Variants in SPTLC3 observed in about 807,000 individuals in gnomAD.
The protein encoded by SPTLC3 is serine palmitoyltransferase long chain base subunit 3.
Under a neutral mutation model 59.3 loss-of-function variants are expected in SPTLC3, and 36 were observed. That is an observed-to-expected ratio of 0.61 (90% CI 0.47 to 0.80). The LOEUF (loss-of-function observed/expected upper bound fraction) is 0.80. SPTLC3 is among the 30% of genes least tolerant of loss of function. The pLI is 0.00. For missense variants in SPTLC3, 625 were observed against 685.1 expected (o/e 0.91, Z 0.98); for synonymous variants, 257 against 240.8 (o/e 1.07, Z -0.62).
chr20:13,036,656 C>T (rs145467817), intron 1 of SPTLC3, among the ~76,000 whole-genome samples: 49 of 152,160 alleles, frequency 3.2e-4, no homozygotes, highest in Admixed American at 2.8e-3. Context: ...AAGGCCAGCA[C>T]CCTTAACCCC....
chr20:13,042,853 A>G (rs897399658), intron 1 of SPTLC3, among the ~76,000 whole-genome samples: 1 of 152,188 alleles, frequency 6.6e-6, no homozygotes, highest in African/African-American at 2.4e-5. Flanking sequence ...CCCTTAAGAC[A>G]ATGTCCAAAT....
In SPTLC3 at chr20:13,156,322, G is replaced by C. The variant is rs1210333696; in HGVS notation, c.1415+2184G>C. ...TAGAATCCCAACAGGTTGGAAAAATGAACCAACCCAATGAGAAGAGTCCGT... is the reference window on the plus strand; with the variant it reads ...TAGAATCCCAACAGGTTGGAAAAATCAACCAACCCAATGAGAAGAGTCCGT... On this transcript the variant is annotated intron_variant, in intron 10 of 11. Coordinates refer to ENST00000399002, the MANE Select transcript of SPTLC3 (RefSeq NM_018327.4). 3.3e-5 allele frequency among the ~76,000 whole-genome samples: 5 copies of C among 152,238 alleles called. No individual in the cohort carries two copies. The East Asian group carries it at 7.7e-4, about 24-fold the overall frequency.
intron 9 of SPTLC3, among the ~76,000 whole-genome samples, chr20:13,143,229 T>C (rs1015331744): frequency 6.6e-6 from 1 of 152,190 alleles, no homozygotes; most frequent in African/African-American, 2.4e-5. Flanking sequence ...GTCAGTTATG[T>C]AGACAAGAGG....
intron 10 of SPTLC3, among the ~76,000 whole-genome samples, chr20:13,154,736 T>A (rs1470953841): frequency 6.6e-6 from 1 of 152,224 alleles, no homozygotes; most frequent in East Asian, 1.9e-4. Flanking sequence ...GGGGGTTGTT[T>A]ACTTGATTGC....
intron 2 of SPTLC3, among the ~76,000 whole-genome samples, chr20:13,063,637 TTTTA>T (rs58141093): frequency 2.9e-4 from 42 of 145,700 alleles, no homozygotes; most frequent in African/African-American, 9.4e-4. Context: ...TTTTTTTAAA[TTTTA>T]TTTATTTATT....
intron 8 of SPTLC3, among the ~76,000 whole-genome samples, chr20:13,122,399 G>A (rs867460001): frequency 6.6e-6 from 1 of 152,182 alleles, no homozygotes; most frequent in African/African-American, 2.4e-5. Flanking sequence ...GTACCGCAGG[G>A]TAAGGAGAGT....
At chr20:13,063,581 A>G (rs1988054675) in intron 2 of SPTLC3, among the ~76,000 whole-genome samples, 1 of 151,280 alleles carries the variant, frequency 6.6e-6, no homozygotes, top group Admixed American at 6.6e-5. Context: ...TCATCCATCT[A>G]GTTTATTTCT....
intron 1 of SPTLC3, among the ~76,000 whole-genome samples, chr20:13,030,961 A>C (rs1986414159): frequency 6.6e-6 from 1 of 152,114 alleles, no homozygotes; most frequent in Non-Finnish European, 1.5e-5. Flanking sequence ...AATATTGTTC[A>C]TCCGTATTTC....
intron 1 of SPTLC3, among the ~76,000 whole-genome samples, chr20:13,014,743 G>A (rs1468221046): frequency 6.6e-6 from 1 of 151,108 alleles, no homozygotes; most frequent in Non-Finnish European, 1.5e-5. Flanking sequence ...ACTTGTCGGG[G>A]ACATCTGGGA....
chr20:13,150,200 T>G (rs188193037), intron 9 of SPTLC3, among the ~76,000 whole-genome samples: 29 of 152,336 alleles, frequency 1.9e-4, no homozygotes, highest in Non-Finnish European at 3.4e-4. Flanking sequence ...AAACACAGTT[T>G]CAATGTATGG....
chr20:13,146,664 T>C (rs1375092944), intron 9 of SPTLC3, among the ~76,000 whole-genome samples: 1 of 152,208 alleles, frequency 6.6e-6, no homozygotes, highest in East Asian at 1.9e-4. Flanking sequence ...TATATATTAT[T>C]TGATATCTGC....
chr20:13,140,288 T>C (rs6041898), intron 9 of SPTLC3, among the ~76,000 whole-genome samples: 37,154 of 152,056 alleles, frequency 0.24, 4,776 homozygotes, highest in South Asian at 0.44. Flanking sequence ...ATTCTTTGAA[T>C]TGAATGAGTT....
At chr20:13,152,868 T>C (rs1023255156) in intron 9 of SPTLC3, among the ~76,000 whole-genome samples, 2 of 152,186 alleles carry the variant, frequency 1.3e-5, no homozygotes, top group African/African-American at 2.4e-5. Flanking sequence ...CAGATGACTA[T>C]GATTGACATG....
At position 13,110,175 on chromosome 20, in the gene SPTLC3, G is replaced by A; in HGVS notation, c.890G>A (p.Arg297Lys). Residue 297 changes from arginine (R) to lysine (K), a missense_variant, in exon 7 of 12, where the codon AGA becomes AAA. Physicochemically the swap from Arg to Lys is conservative, Grantham distance 26. Coordinates refer to ENST00000399002, the MANE Select transcript of SPTLC3 (RefSeq NM_018327.4). ...AVIYGQPRTR[R>K]AWKKILILVE... ...ATCTATGGCCAGCCTCGAACCCGCA[G>A]AGCTTGGAAAAAGATTCTCATCCTG... 1 of 1,613,608 alleles carries A rather than the reference G, an allele frequency of 6.2e-7. No individual in the cohort carries two copies. Among genetic ancestry groups the A allele is most frequent in the Non-Finnish European group, 8.5e-7 (1 of 1,179,716 alleles).
At chr20:13,127,504 A>T (rs2038022204) in intron 9 of SPTLC3, among the ~76,000 whole-genome samples, 1 of 152,236 alleles carries the variant, frequency 6.6e-6, no homozygotes, top group South Asian at 2.1e-4. Flanking sequence ...GTTTAATGCA[A>T]TGCTTCAAGC....
intron 9 of SPTLC3, among the ~76,000 whole-genome samples, chr20:13,139,336 T>C (rs1336870134): frequency 6.6e-6 from 1 of 152,222 alleles, no homozygotes; most frequent in African/African-American, 2.4e-5. Flanking sequence ...AGTTAAGTTA[T>C]GTTACTTGTT....
chr20:13,055,355 G>C (rs1987676634), intron 2 of SPTLC3, among the ~76,000 whole-genome samples: 1 of 151,948 alleles, frequency 6.6e-6, no homozygotes, highest in African/African-American at 2.4e-5. Flanking sequence ...TGGGAAAATG[G>C]GATTTGAAGG....
At chr20:13,159,624 T>C (rs929721285) in intron 10 of SPTLC3, among the ~76,000 whole-genome samples, 7 of 152,244 alleles carry the variant, frequency 4.6e-5, no homozygotes, top group African/African-American at 1.7e-4. Flanking sequence ...AATTGCATTA[T>C]AGGAACTATT....
chr20:13,017,444 TC>T (rs1985589304), intron 1 of SPTLC3, among the ~76,000 whole-genome samples: 1 of 152,160 alleles, frequency 6.6e-6, no homozygotes, highest in Non-Finnish European at 1.5e-5. Context: ...GTACATGGCC[TC>T]CCTGAATAGA....
Sources: allele counts gnomAD v4.1 joint callset (sites outside exome capture counted in the v4.1 genomes callset), GRCh38; gene constraint gnomAD v4.1.1; transcripts MANE v1.5; gene names NCBI Gene and HGNC (gene_info 2026-07-23, HGNC 2026-07-21).